CACNB4: variants seen among roughly 807,000 people sequenced by gnomAD.
The protein encoded by CACNB4 is voltage-dependent L-type calcium channel subunit beta-4.
A neutral mutation model predicts 71.2 loss-of-function variants in CACNB4; 32 were observed. The observed-to-expected ratio is 0.45, with a 90% confidence interval of 0.34 to 0.60. The LOEUF is 0.60. Among genes scored for constraint, CACNB4 ranks in the 20% least tolerant of loss-of-function variants. CACNB4 has a pLI of 0.01. For synonymous variants in CACNB4, 231 were observed against 236.9 expected (o/e 0.97, Z 0.23); for missense variants, 464 against 647.9 (o/e 0.72, Z 3.08).
chr2:151,840,776 G>A (rs755092101), intron 13 of CACNB4, among the ~76,000 whole-genome samples: 1 of 152,088 alleles, frequency 6.6e-6, no homozygotes, highest in Admixed American at 6.5e-5. Flanking sequence ...CTGTATGATC[G>A]ACAATTAAGA....
At chr2:151,940,082 T>C (rs1303893398) in intron 2 of CACNB4, among the ~76,000 whole-genome samples, 4 of 152,228 alleles carry the variant, frequency 2.6e-5, no homozygotes, top group Admixed American at 2.0e-4. Context: ...TTTATCTACA[T>C]GATTGGCAAG....
intron 2 of CACNB4, among the ~76,000 whole-genome samples, chr2:152,052,358 T>C (rs1685483172): frequency 6.6e-6 from 1 of 152,164 alleles, no homozygotes; most frequent in Non-Finnish European, 1.5e-5. Flanking sequence ...TGGAGTACAG[T>C]GGCGTGATCT....
At chr2:152,084,920 A>G (rs1687570911) in intron 2 of CACNB4, among the ~76,000 whole-genome samples, 1 of 152,052 alleles carries the variant, frequency 6.6e-6, no homozygotes, top group African/African-American at 2.4e-5. Flanking sequence ...TACGGGCATA[A>G]TGTCAATGTA....
chr2:151,864,560 G>A (rs978370091), intron 9 of CACNB4, among the ~76,000 whole-genome samples: 4 of 152,256 alleles, frequency 2.6e-5, no homozygotes, highest in African/African-American at 7.2e-5. Context: ...GAAAACTTCT[G>A]GTATTAGTAG....
Position 152,083,455 on chromosome 2 carries a change from G to A in CACNB4, c.147+14875C>T, listed in dbSNP as rs555715861. 2.0e-5 allele frequency among the ~76,000 whole-genome samples: 3 copies of A among 152,264 alleles called. No individual in the cohort carries two copies. The East Asian group carries it at 5.8e-4, about 29-fold the overall frequency. On this transcript the variant is annotated intron_variant, in intron 2 of 13. Coordinates refer to ENST00000539935, the MANE Select transcript of CACNB4 (RefSeq NM_000726.5). ...GAACTATTGTAAGGAAGCCTAACTG[G>A]ACAGGATCGTGGATAAATGGGAGAT... is the stretch of plus-strand genomic sequence containing the variant.
At chr2:152,013,032 TACAA>T (rs1404904911) in intron 2 of CACNB4, among the ~76,000 whole-genome samples, 3 of 152,152 alleles carry the variant, frequency 2.0e-5, no homozygotes, top group African/African-American at 7.2e-5. Context: ...CATTTAAATA[TACAA>T]ACACTTACTA....
At chr2:151,927,016 C>G (rs144829019) in intron 2 of CACNB4, among the ~76,000 whole-genome samples, 1 of 152,262 alleles carries the variant, frequency 6.6e-6, no homozygotes, top group East Asian at 1.9e-4. Context: ...CTTTTTTAGC[C>G]TTATGTTTCA....
intron 9 of CACNB4, chr2:151,866,818 G>A (rs778702587): frequency 3.3e-5 from 5 of 151,788 alleles, no homozygotes; most frequent in Non-Finnish European, 7.4e-5. Context: ...TATTACTTTT[G>A]CTACTGCTGG....
intron 2 of CACNB4, among the ~76,000 whole-genome samples, chr2:151,909,328 G>A (rs888442741): frequency 2.0e-5 from 3 of 151,270 alleles, no homozygotes; most frequent in East Asian, 1.9e-4. Flanking sequence ...CCAGTTACTC[G>A]GGAGGCTGAG....
At chr2:151,986,160 A>G (rs1251312268) in intron 2 of CACNB4, among the ~76,000 whole-genome samples, 3 of 152,206 alleles carry the variant, frequency 2.0e-5, no homozygotes, top group Admixed American at 2.0e-4. Flanking sequence ...GCACTTATTT[A>G]CCTTGTGTGA....
At chr2:151,846,589 A>G (rs1226808263) in intron 12 of CACNB4, among the ~76,000 whole-genome samples, 1 of 152,026 alleles carries the variant, frequency 6.6e-6, no homozygotes, top group Non-Finnish European at 1.5e-5. Context: ...GTCTCACTCC[A>G]ACGCCCAGGC....
chr2:151,944,928 G>T (rs982419373), intron 2 of CACNB4, among the ~76,000 whole-genome samples: 2 of 152,202 alleles, frequency 1.3e-5, no homozygotes, highest in African/African-American at 4.8e-5. Context: ...ATAGGGTCTA[G>T]ATTGGGCCAA....
intron 2 of CACNB4, among the ~76,000 whole-genome samples, chr2:152,079,552 A>C (rs1052809506): frequency 3.3e-5 from 5 of 152,040 alleles, no homozygotes; most frequent in African/African-American, 1.2e-4. Context: ...TTAAGAGGCC[A>C]AGGCAGCGGG....
intron 2 of CACNB4, among the ~76,000 whole-genome samples, chr2:152,046,060 AATTG>A (rs1685128251): frequency 1.3e-5 from 2 of 152,226 alleles, no homozygotes; most frequent in Admixed American, 1.3e-4. Context: ...GAGAAAAATA[AATTG>A]ATCATATAGA....
At chr2:151,948,460 G>A (rs1041541428) in intron 2 of CACNB4, among the ~76,000 whole-genome samples, 1 of 152,064 alleles carries the variant, frequency 6.6e-6, no homozygotes, top group African/African-American at 2.4e-5. Flanking sequence ...AGGAGTTTGA[G>A]ACCAGCCTGG....
intron 12 of CACNB4, among the ~76,000 whole-genome samples, chr2:151,846,303 A>G (rs1332918370): frequency 2.6e-5 from 4 of 152,202 alleles, no homozygotes; most frequent in Admixed American, 2.6e-4. Context: ...GAGGAAATGA[A>G]GCATATTCCA....
At position 152,085,526 on chromosome 2, in the gene CACNB4, C is replaced by T. The variant is rs1292139631; in HGVS notation, c.147+12804G>A. ...CAAGTATCTGGGGGCAGAACTACCC[C>T]TGGGCAGCCTCATCCTCCCACTCCT... On this transcript the variant is annotated intron_variant, in intron 2 of 13. Transcript: ENST00000539935. Among the ~76,000 whole-genome samples the T allele has an allele frequency of 2.0e-5, 3 of 152,104 alleles. No homozygotes were observed. In the East Asian group the frequency reaches 5.8e-4, roughly 29 times the overall value.
chr2:151,893,234 G>A (rs974703535), intron 2 of CACNB4, among the ~76,000 whole-genome samples: 1 of 151,942 alleles, frequency 6.6e-6, no homozygotes, highest in African/African-American at 2.4e-5. Context: ...AAAAAAAATA[G>A]ATCCCTATTT....
At chr2:151,883,976 T>C (rs1276173061) in intron 2 of CACNB4, 1 of 168,576 alleles carries the variant, frequency 5.9e-6, no homozygotes, top group African/African-American at 2.4e-5. Context: ...AGGGATGTTC[T>C]CAGTTGAAGC....
Sources: gnomAD v4.1 joint callset for allele counts (sites outside exome capture counted in the v4.1 genomes callset) on GRCh38, gnomAD v4.1.1 for gene constraint, MANE v1.5 for transcripts, NCBI Gene and HGNC (gene_info 2026-07-23, HGNC 2026-07-21) for gene names.